TXLNB: variants seen among roughly 807,000 people sequenced by gnomAD.
The protein encoded by TXLNB is taxilin beta, also known as beta-taxilin.
Under a neutral mutation model 57.4 loss-of-function variants are expected in TXLNB, and 37 were observed. The ratio of observed to expected loss-of-function variants is 0.64; its 90% CI spans 0.50 to 0.85. The LOEUF (loss-of-function observed/expected upper bound fraction) is 0.85, where lower values mean the gene tolerates loss of function less well. TXLNB is among the 40% of genes least tolerant of loss of function. TXLNB has a pLI of 0.00. For synonymous variants in TXLNB, 302 were observed against 309.6 expected (o/e 0.98, Z 0.26); for missense variants, 848 against 825.6 (o/e 1.03, Z -0.33).
At chr6:139,193,494 G>A in the TXLNB span, among the ~76,000 whole-genome samples, 1 of 151,898 alleles carries the variant, frequency 6.6e-6, no homozygotes, top group African/African-American at 2.4e-5. Context: ...TTTTCTCCCT[G>A]TTTCATAAGT....
Position 139,241,301 on chromosome 6 carries a change from T to G in TXLNB, c.*1225A>C, listed in dbSNP as rs1318987007. On this transcript the variant is annotated 3_prime_UTR_variant, in exon 10 of 10. Coordinates refer to ENST00000358430, the MANE Select transcript of TXLNB (RefSeq NM_153235.4). ...ACTGATATTGAGACCCAGTGTAGAT[T>G]TGTGTTTTGGAAAAACAATAGCTTT... 1 of 149,350 alleles carries G rather than the reference T, an allele frequency of 6.7e-6. No individual in the cohort carries two copies. The highest frequency in any genetic ancestry group is 2.5e-5 in the African/African-American group (1 of 40,388). 9.3% of individuals were successfully genotyped at this position (149,350 alleles called of 1,614,324 possible). A position where few individuals can be genotyped will look rare whatever the true frequency, so the allele number is the denominator to read the frequency against.
At chr6:139,204,474 G>A in the TXLNB span, among the ~76,000 whole-genome samples, 1 of 152,160 alleles carries the variant, frequency 6.6e-6, no homozygotes, top group East Asian at 1.9e-4. Context: ...TCTCATAGAG[G>A]CCTTTGGGGA....
chr6:139,272,040 G>A (rs1776777684), intron 3 of TXLNB, among the ~76,000 whole-genome samples: 1 of 152,128 alleles, frequency 6.6e-6, no homozygotes, highest in Non-Finnish European at 1.5e-5. Context: ...TGGGCGTGGT[G>A]GCTCATGCCT....
the TXLNB span, among the ~76,000 whole-genome samples, chr6:139,311,523 G>A: frequency 3.3e-5 from 5 of 151,470 alleles, no homozygotes; most frequent in Admixed American, 6.6e-5. Context: ...GGGGGTGTGC[G>A]TGATTATGAA....
At chr6:139,167,282 A>T in the TXLNB span, 1 of 1,609,376 alleles carries the variant, frequency 6.2e-7, no homozygotes, top group Non-Finnish European at 8.5e-7. Flanking sequence ...AAGCCCGTCG[A>T]GACATGATGA....
chr6:139,209,598 C>G, the TXLNB span, among the ~76,000 whole-genome samples: 1 of 151,962 alleles, frequency 6.6e-6, no homozygotes, highest in Non-Finnish European at 1.5e-5. Context: ...ACAAAGCTTA[C>G]AAAAAGATAA....
In TXLNB at chr6:139,270,978, C is replaced by T. The variant is rs116612294; in HGVS notation, c.517-352G>A. ...ATCTGTAAACTGCCAGAGTTCATGA[C>T]GATGCCTTGCATTGAGGCAATGATC... On this transcript the variant is annotated intron_variant, in intron 3 of 9. Transcript: ENST00000358430. Among the ~76,000 whole-genome samples the T allele has an allele frequency of 4.3e-3, 648 of 152,226 alleles. 9 individuals are homozygous for T. Among genetic ancestry groups the T allele is most frequent in the African/African-American group, 0.014 (601 of 41,524 alleles).
chr6:139,304,050 G>C, the TXLNB span, among the ~76,000 whole-genome samples: 2 of 151,942 alleles, frequency 1.3e-5, no homozygotes, highest in Non-Finnish European at 2.9e-5. Context: ...ACTAGTCAAA[G>C]TTGTATCATT....
the TXLNB span, among the ~76,000 whole-genome samples, chr6:139,162,128 G>C: frequency 2.0e-5 from 3 of 152,290 alleles, no homozygotes; most frequent in East Asian, 3.9e-4. Context: ...TGAGTAAGAG[G>C]CTTCCTCTCC....
the TXLNB span, among the ~76,000 whole-genome samples, chr6:139,304,358 T>C: frequency 6.6e-6 from 1 of 152,204 alleles, no homozygotes; most frequent in African/African-American, 2.4e-5. Context: ...CCATGGAAAG[T>C]ATCCAAAATT....
upstream of TXLNB, among the ~76,000 whole-genome samples, chr6:139,294,849 T>C (rs374029603): frequency 2.4e-4 from 36 of 152,058 alleles, no homozygotes; most frequent in African/African-American, 7.7e-4. Context: ...ATTAGCTGGA[T>C]GTGGTGGCGC....
chr6:139,181,459 A>G, the TXLNB span, among the ~76,000 whole-genome samples: 2 of 152,278 alleles, frequency 1.3e-5, no homozygotes, highest in East Asian at 3.9e-4. Flanking sequence ...CATGCTGTAG[A>G]CGTCCCACGC....
upstream of TXLNB, among the ~76,000 whole-genome samples, chr6:139,295,433 C>T (rs184685358): frequency 1.6e-4 from 24 of 152,244 alleles, no homozygotes; most frequent in Admixed American, 5.2e-4. Context: ...TAACTGTTTA[C>T]GCAAATATCA....
At chr6:139,221,061 G>T in the TXLNB span, among the ~76,000 whole-genome samples, 1 of 152,192 alleles carries the variant, frequency 6.6e-6, no homozygotes. Context: ...TGGAGAGCTA[G>T]CTAGGCAACA....
the TXLNB span, among the ~76,000 whole-genome samples, chr6:139,232,994 A>G: frequency 6.6e-6 from 1 of 152,310 alleles, no homozygotes; most frequent in African/African-American, 2.4e-5. Flanking sequence ...ACATGTATGA[A>G]TGCTGGGTAT....
At chr6:139,167,017 A>G in the TXLNB span, 5,112 of 1,613,940 alleles carry the variant, frequency 3.2e-3, 12 homozygotes, top group Non-Finnish European at 4.0e-3. Flanking sequence ...ACAGGGGGGG[A>G]CACTTCGACA....
At chr6:139,164,080 A>ACACACACACTCT in the TXLNB span, among the ~76,000 whole-genome samples, 1 of 148,068 alleles carries the variant, frequency 6.8e-6, no homozygotes, top group Non-Finnish European at 1.5e-5. Context: ...ACACACACAC[A>ACACACACACTCT]CTCTCTCTCT....
At chr6:139,193,001 C>T in the TXLNB span, among the ~76,000 whole-genome samples, 1 of 151,668 alleles carries the variant, frequency 6.6e-6, no homozygotes, top group Non-Finnish European at 1.5e-5. Context: ...CAAAAAAACC[C>T]TACTGTTGTG....
At chr6:139,166,215 T>C in the TXLNB span, 1 of 1,240,526 alleles carries the variant, frequency 8.1e-7, no homozygotes, top group Non-Finnish European at 1.1e-6. Context: ...TACCATACTG[T>C]TGCAAGTACA....
Sources: allele counts gnomAD v4.1 joint callset (sites outside exome capture counted in the v4.1 genomes callset), GRCh38; gene constraint gnomAD v4.1.1; transcripts MANE v1.5; gene names NCBI Gene and HGNC (gene_info 2026-07-23, HGNC 2026-07-21).